The following AGAP1 variants were observed in gnomAD, a reference collection of about 807,000 sequenced individuals.
The protein encoded by AGAP1 is ArfGAP with GTPase domain, ankyrin repeat and PH domain 1, also known as arf-GAP with GTPase, ANK repeat and PH domain-containing protein 1.
In AGAP1, 29 loss-of-function variants were observed where a neutral mutation model predicts 105.3. That is an observed-to-expected ratio of 0.28 (90% CI 0.21 to 0.38). The LOEUF is 0.38. AGAP1 is among the 10% of genes least tolerant of loss of function. AGAP1 has a pLI of 1.00. For missense variants in AGAP1, 998 were observed against 1,165.1 expected (o/e 0.86, Z 2.09); for synonymous variants, 509 against 485.9 (o/e 1.05, Z -0.63).
chr2:235,945,799 T>G (rs1475464642), intron 12 of AGAP1, among the ~76,000 whole-genome samples: 1 of 148,466 alleles, frequency 6.7e-6, no homozygotes, highest in Non-Finnish European at 1.5e-5. Context: ...GGAAATGTGA[T>G]GCTGGCGTCT....
At chr2:235,641,211 T>TA (rs1947178048) in intron 1 of AGAP1, among the ~76,000 whole-genome samples, 1 of 152,116 alleles carries the variant, frequency 6.6e-6, no homozygotes, top group Admixed American at 6.6e-5. Context: ...AGTTTTGAAC[T>TA]AAAAAAATTA....
rs1282646709 is a variant in AGAP1, at chr2:235,992,758, G to C, written c.1645+24135G>C. Among the ~76,000 whole-genome samples the C allele has an allele frequency of 6.6e-6, 1 of 152,202 alleles. No individual in the cohort carries two copies. The highest frequency in any genetic ancestry group is 1.5e-5 in the Non-Finnish European group (1 of 68,030). ...CACCTGGGGATGCGTCGTGGGCGCC[G>C]AGGAGAGCGTAGCCTCCTGTTAACG... On this transcript the variant is annotated intron_variant, in intron 13 of 17. Transcript: ENST00000304032. The surrounding 1 kb of genome is among the most constrained non-coding windows in gnomAD (Gnocchi z 4.8).
intron 9 of AGAP1, among the ~76,000 whole-genome samples, chr2:235,809,567 C>T (rs1302812008): frequency 6.6e-6 from 1 of 152,148 alleles, no homozygotes; most frequent in Non-Finnish European, 1.5e-5. Context: ...GTGGAGGTTC[C>T]ACAGAGAATT....
chr2:236,037,847 G>A (rs1246042418), intron 14 of AGAP1, among the ~76,000 whole-genome samples: 1 of 152,136 alleles, frequency 6.6e-6, no homozygotes, highest in African/African-American at 2.4e-5. Flanking sequence ...GACTTTTGGA[G>A]AGCATTTTGA....
At chr2:235,704,890 C>T (rs147114063) in intron 1 of AGAP1, among the ~76,000 whole-genome samples, 1,650 of 150,808 alleles carry the variant, frequency 0.011, 11 homozygotes, top group African/African-American at 0.021. Flanking sequence ...CAGTGGTCGG[C>T]GAGCCCGGCA....
chr2:235,771,522 G>A (rs746433355), intron 6 of AGAP1, among the ~76,000 whole-genome samples: 42 of 152,210 alleles, frequency 2.8e-4, no homozygotes, highest in Non-Finnish European at 5.0e-4. Context: ...GCCGGTCTCT[G>A]CCCTGTGGAA....
At chr2:235,617,767 G>A (rs920293120) in intron 1 of AGAP1, among the ~76,000 whole-genome samples, 4 of 152,100 alleles carry the variant, frequency 2.6e-5, no homozygotes, top group Non-Finnish European at 4.4e-5. Context: ...CTAATAGTTT[G>A]GATAGAAACA....
intron 1 of AGAP1, among the ~76,000 whole-genome samples, chr2:235,648,144 C>T (rs1026170215): frequency 6.6e-6 from 1 of 152,182 alleles, no homozygotes; most frequent in Non-Finnish European, 1.5e-5. Context: ...GGGTGTCCAT[C>T]CCGTGTGTGC....
In AGAP1 at chr2:235,534,212, G is replaced by A. The variant is rs115094774; in HGVS notation, c.163+39363G>A. On this transcript the variant is annotated intron_variant, in intron 1 of 17. Coordinates refer to ENST00000304032, the MANE Select transcript of AGAP1 (RefSeq NM_001037131.3). ...CAGGCAAAGGGCTTGCCAGATGGTC[G>A]GTGTTCTTTGCCAAATGGGACCGAT... Among the ~76,000 whole-genome samples the A allele has an allele frequency of 6.3e-3, 959 of 152,300 alleles. 9 individuals carry two copies. The highest frequency in any genetic ancestry group is 0.022 in the African/African-American group (908 of 41,566).
intron 1 of AGAP1, among the ~76,000 whole-genome samples, chr2:235,688,242 T>C (rs1949564605): frequency 6.6e-6 from 1 of 152,210 alleles, no homozygotes; most frequent in Non-Finnish European, 1.5e-5. Context: ...CTACTCTTGC[T>C]GGGCTGTAGA....
At chr2:235,757,876 A>G (rs1019427877) in intron 6 of AGAP1, among the ~76,000 whole-genome samples, 6 of 152,164 alleles carry the variant, frequency 3.9e-5, no homozygotes, top group African/African-American at 1.4e-4. Context: ...CGTTTGTGCA[A>G]CCTAATTGCA....
intron 1 of AGAP1, among the ~76,000 whole-genome samples, chr2:235,649,712 A>G (rs1361624316): frequency 6.6e-6 from 1 of 152,148 alleles, no homozygotes; most frequent in Non-Finnish European, 1.5e-5. Context: ...GGCTGTGCTG[A>G]TGCTGCTTGT....
At position 235,578,044 on chromosome 2, in the gene AGAP1, G is replaced by A. The variant is rs529815922; in HGVS notation, c.163+83195G>A. On this transcript the variant is annotated intron_variant, in intron 1 of 17. Transcript: ENST00000304032. The surrounding 1 kb of genome is among the most constrained non-coding windows in gnomAD (Gnocchi z 4.9). ...TCAGGACTTCCCCTCGTGAGGAGCT[G>A]GGTACCACTGTTATCCTGCCTGCTG... is the stretch of plus-strand genomic sequence containing the variant. 2.6e-5 allele frequency among the ~76,000 whole-genome samples: 4 copies of A among 152,122 alleles called. No individual in the cohort carries two copies. Among genetic ancestry groups the A allele is most frequent in the Non-Finnish European group, 4.4e-5 (3 of 68,018 alleles).
intron 2 of AGAP1, 54 bp from the exon 3 acceptor site, chr2:235,717,503 A>C (rs1575214695): frequency 6.7e-7 from 1 of 1,493,010 alleles, no homozygotes; most frequent in African/African-American, 1.4e-5. Context: ...GTATTTGCAA[A>C]ATGCCAAATA....
intron 16 of AGAP1, among the ~76,000 whole-genome samples, chr2:236,086,764 A>G (rs2058937703): frequency 6.6e-6 from 1 of 152,182 alleles, no homozygotes; most frequent in Non-Finnish European, 1.5e-5. Context: ...CCAGAGATAC[A>G]CAGGAGGGCA....
In AGAP1 at chr2:235,855,954, C is replaced by T. The variant is rs1310764201; in HGVS notation, c.1051-27391C>T. On this transcript the variant is annotated intron_variant, in intron 9 of 17. Coordinates refer to ENST00000304032, the MANE Select transcript of AGAP1 (RefSeq NM_001037131.3). This position sits in a 1 kb window ranked among gnomAD's most constrained non-coding sequence, Gnocchi z 5.0. ...TTTGAGATGGAGTCTCGCTCTGTCA[C>T]CCAGGCTGGAGTGCAATGGCATGAT... is the stretch of plus-strand genomic sequence containing the variant. 1.3e-5 allele frequency among the ~76,000 whole-genome samples: 2 copies of T among 152,054 alleles called. No individual in the cohort carries two copies. Among genetic ancestry groups the T allele is most frequent in the East Asian group, 3.9e-4 (2 of 5,194 alleles).
intron 9 of AGAP1, among the ~76,000 whole-genome samples, chr2:235,847,481 G>A (rs1961636809): frequency 6.6e-6 from 1 of 152,184 alleles, no homozygotes. Context: ...TTAGGTTGAA[G>A]TTCATTTTGT....
At chr2:235,704,959 ATGCTTTTT>A (rs1950452444) in intron 1 of AGAP1, among the ~76,000 whole-genome samples, 1 of 131,528 alleles carries the variant, frequency 7.6e-6, no homozygotes, top group African/African-American at 2.9e-5. Context: ...AAAATACAAG[ATGCTTTTT>A]TCTTTTTTTT....
chr2:235,638,810 G>C (rs773893082), intron 1 of AGAP1, among the ~76,000 whole-genome samples: 2 of 152,220 alleles, frequency 1.3e-5, no homozygotes, highest in Non-Finnish European at 2.9e-5. Context: ...GAGGGCTGGC[G>C]TGGGCCTCAG....
Sources: allele counts gnomAD v4.1 joint callset (sites outside exome capture counted in the v4.1 genomes callset), GRCh38; gene constraint gnomAD v4.1.1; non-coding constraint Gnocchi (gnomAD v3.1); transcripts MANE v1.5; gene names NCBI Gene and HGNC (gene_info 2026-07-23, HGNC 2026-07-21).